Variants in SLC17A6 observed in about 807,000 individuals in gnomAD.
The protein encoded by SLC17A6 is vesicular glutamate transporter 2.
In SLC17A6, 35 loss-of-function variants were observed where a neutral mutation model predicts 67.1. The ratio of observed to expected loss-of-function variants is 0.52; its 90% CI spans 0.40 to 0.69. SLC17A6 has a LOEUF of 0.69. SLC17A6 is among the 30% of genes least tolerant of loss of function. The pLI, the probability that SLC17A6 is intolerant of heterozygous loss-of-function variation, is 0.00. For synonymous variants in SLC17A6, 285 were observed against 252.3 expected (o/e 1.13, Z -1.23); for missense variants, 588 against 723.9 (o/e 0.81, Z 2.15).
chr11:22,377,837 A>G lies in SLC17A6; in HGVS notation c.*97A>G. The G allele has an allele frequency of 6.1e-6, 6 of 979,196 alleles. No homozygotes were observed. Among genetic ancestry groups the G allele is most frequent in the Non-Finnish European group, 8.9e-6 (6 of 675,988 alleles). The allele number at this position is 979,196 out of a possible 1,614,324, so 60.7% of individuals were successfully genotyped here. A position where few individuals can be genotyped will look rare whatever the true frequency, so the allele number is the denominator to read the frequency against. On this transcript the variant is annotated 3_prime_UTR_variant, in exon 12 of 12. Coordinates refer to ENST00000263160, the MANE Select transcript of SLC17A6 (RefSeq NM_020346.3). ...ACACGTGATGTAAACTTGCAAGCAT[A>G]TCAACCAGGCAAGTCTTGCTGTAAA... is the stretch of plus-strand genomic sequence containing the variant.
Position 22,343,372 on chromosome 11 carries a change from C to A in SLC17A6, c.458+7C>A, listed in dbSNP as rs556511558. 9 of 1,603,246 alleles carry A rather than the reference C, an allele frequency of 5.6e-6. No homozygotes were observed. Among genetic ancestry groups the A allele is most frequent in the Middle Eastern group, 1.7e-4 (1 of 6,018 alleles). The stretch of plus-strand genomic sequence containing the variant: ...CTCGGCTGGCAGCCAACAGGTAATG[C>A]GCCAGGCGGGACTGGGGCTCGGGGC... On this transcript the variant is annotated splice_region_variant and intron_variant, in intron 3 of 11. Transcript: ENST00000263160.
Position 22,359,434 on chromosome 11 carries a change from T to G in SLC17A6, c.480T>G (p.Leu160=), listed in dbSNP as rs777384239. The G allele has an allele frequency of 6.3e-7, 1 of 1,593,404 alleles. No homozygotes were observed. The highest frequency in any genetic ancestry group is 8.5e-7 in the Non-Finnish European group (1 of 1,169,590). Residue 160 remains leucine (L), a synonymous_variant, in exon 4 of 12, where the codon CTT becomes CTG. Transcript: ENST00000263160. ...TCAGGGTTTTCGGAGCTGCCATACTTCTTACCTCTACCCTAAATATGCTAA... is the reference window on the plus strand; with the variant it reads ...TCAGGGTTTTCGGAGCTGCCATACTGCTTACCTCTACCCTAAATATGCTAA... ...AANRVFGAAI[L]LTSTLNMLIP...
At chr11:22,370,701 T>C (rs991504943) in intron 8 of SLC17A6, among the ~76,000 whole-genome samples, 11 of 152,166 alleles carry the variant, frequency 7.2e-5, no homozygotes, top group Non-Finnish European at 1.3e-4. Flanking sequence ...AAGTATTTGT[T>C]GAACACAATG....
At chr11:22,376,139 A>G (rs745821986) in intron 10 of SLC17A6, 47 bp downstream of exon 10, 3 of 1,337,536 alleles carry the variant, frequency 2.2e-6, no homozygotes, top group South Asian at 2.5e-5. Flanking sequence ...TCTGATTTTG[A>G]CTGCTGATAA....
At chr11:22,368,090 T>C (rs1331596716) in intron 7 of SLC17A6, among the ~76,000 whole-genome samples, 1 of 152,142 alleles carries the variant, frequency 6.6e-6, no homozygotes, top group Non-Finnish European at 1.5e-5. Flanking sequence ...AAATAAAACA[T>C]CAAAATACTT....
chr11:22,362,320 T>C, intron 5 of SLC17A6: 1 of 354,988 alleles, frequency 2.8e-6, no homozygotes, highest in Non-Finnish European at 5.6e-6. Flanking sequence ...TAAAATGAAG[T>C]CAGTAAAAGC....
At chr11:22,371,023 CAG>C (rs1360213776) in intron 8 of SLC17A6, among the ~76,000 whole-genome samples, 2 of 152,042 alleles carry the variant, frequency 1.3e-5, no homozygotes, top group African/African-American at 2.4e-5. Context: ...GATGGGGAAA[CAG>C]AAACTAGAGA....
intron 8 of SLC17A6, among the ~76,000 whole-genome samples, chr11:22,371,907 T>A (rs1856179165): frequency 2.6e-5 from 4 of 152,034 alleles, no homozygotes; most frequent in Admixed American, 2.6e-4. Flanking sequence ...TTGCTTTGGG[T>A]CTAGACTGAC....
chr11:22,341,079 G>C (rs1855809692), intron 1 of SLC17A6, among the ~76,000 whole-genome samples: 1 of 152,228 alleles, frequency 6.6e-6, no homozygotes, highest in Non-Finnish European at 1.5e-5. Context: ...GTGCTGTGTT[G>C]CAGGAGGACA....
At position 22,375,818 on chromosome 11, in the gene SLC17A6, C is replaced by A. The variant is rs147733001; in HGVS notation, c.1175-164C>A. ...TAAACACAAGGAAAGCTTCATGAAT[C>A]TCTAGGGTAAATTATTATGATTATT... is the stretch of plus-strand genomic sequence containing the variant. On this transcript the variant is annotated intron_variant, in intron 9 of 11. Coordinates refer to ENST00000263160, the MANE Select transcript of SLC17A6 (RefSeq NM_020346.3). Among the ~76,000 whole-genome samples, 67 of 152,146 alleles carry A rather than the reference C, an allele frequency of 4.4e-4. 1 individual carries two copies. In the East Asian group the frequency reaches 9.9e-3, roughly 22 times the overall value.
At chr11:22,339,142 G>GTT (rs1382313553) in intron 1 of SLC17A6, among the ~76,000 whole-genome samples, 13 of 6,924 alleles carry the variant, frequency 1.9e-3, no homozygotes, top group African/African-American at 6.4e-3. Flanking sequence ...ATATATATAT[G>GTT]TTATATATAG....
intron 3 of SLC17A6, among the ~76,000 whole-genome samples, chr11:22,351,284 A>G (rs191204635): frequency 1.3e-3 from 200 of 152,214 alleles, no homozygotes; most frequent in Non-Finnish European, 2.0e-3. Flanking sequence ...CAGGCTTGTC[A>G]TGTGGATAGA....
chr11:22,354,620 T>C (rs1431572880), intron 3 of SLC17A6, among the ~76,000 whole-genome samples: 1 of 152,230 alleles, frequency 6.6e-6, no homozygotes, highest in East Asian at 1.9e-4. Flanking sequence ...ATTTTATATA[T>C]TGCTGTTGGC....
At chr11:22,371,910 AGACT>A (rs1387123642) in intron 8 of SLC17A6, among the ~76,000 whole-genome samples, 6 of 152,108 alleles carry the variant, frequency 3.9e-5, no homozygotes, top group Non-Finnish European at 7.4e-5. Flanking sequence ...CTTTGGGTCT[AGACT>A]GACATGGCTT....
chr11:22,369,939 A>T (rs1223272151), intron 7 of SLC17A6, 100 bp from the exon 8 acceptor site: 1 of 1,092,590 alleles, frequency 9.2e-7, no homozygotes, highest in African/African-American at 1.6e-5. Flanking sequence ...CCTACTTATG[A>T]CCTGTCATAT....
In SLC17A6 at chr11:22,378,986, G is replaced by T. The variant is rs1216041645; in HGVS notation, c.*1246G>T. ...CTTTCATAGAGTCATAGAATTTTAG[G>T]TGGGGAAGAGGCATTTTGCTTGTCA... On this transcript the variant is annotated 3_prime_UTR_variant, in exon 12 of 12. Coordinates refer to ENST00000263160, the MANE Select transcript of SLC17A6 (RefSeq NM_020346.3). The T allele has an allele frequency of 1.3e-5, 2 of 152,490 alleles. No individual in the cohort carries two copies. Among genetic ancestry groups the T allele is most frequent in the Non-Finnish European group, 2.9e-5 (2 of 67,970 alleles). 9.4% of individuals were successfully genotyped at this position (152,490 alleles called of 1,614,324 possible). A position where few individuals can be genotyped will look rare whatever the true frequency, so the allele number is the denominator to read the frequency against.
chr11:22,341,359 C>A (rs1475467927), intron 1 of SLC17A6, among the ~76,000 whole-genome samples, 169 bp from the exon 2 acceptor site: 2 of 152,116 alleles, frequency 1.3e-5, no homozygotes, highest in East Asian at 3.9e-4. Flanking sequence ...TGTGAGAGAG[C>A]CTGGGAGGTC....
At position 22,349,292 on chromosome 11, in the gene SLC17A6, C is replaced by G. The variant is rs559438619; in HGVS notation, c.458+5927C>G. Among the ~76,000 whole-genome samples the G allele has an allele frequency of 2.6e-5, 4 of 152,218 alleles. No homozygotes were observed. In the East Asian group the frequency reaches 5.8e-4, roughly 22 times the overall value. On this transcript the variant is annotated intron_variant, in intron 3 of 11. Coordinates refer to ENST00000263160, the MANE Select transcript of SLC17A6 (RefSeq NM_020346.3). ...TTATAAGCACCCAGTCTTTTAAGGCCAGAGGTGACTTTTTCTATCTCGTGC... is the reference window on the plus strand; with the variant it reads ...TTATAAGCACCCAGTCTTTTAAGGCGAGAGGTGACTTTTTCTATCTCGTGC...
At chr11:22,356,225 C>G (rs1299627041) in intron 3 of SLC17A6, among the ~76,000 whole-genome samples, 2 of 152,144 alleles carry the variant, frequency 1.3e-5, no homozygotes, top group Non-Finnish European at 2.9e-5. Flanking sequence ...GTAACTCTTA[C>G]CTTCTCTTCC....
Sources: gnomAD v4.1 joint callset for allele counts (sites outside exome capture counted in the v4.1 genomes callset) on GRCh38, gnomAD v4.1.1 for gene constraint, MANE v1.5 for transcripts, NCBI Gene and HGNC (gene_info 2026-07-23, HGNC 2026-07-21) for gene names.